AUTS2: variants seen among roughly 807,000 people sequenced by gnomAD.
AUTS2 encodes autism susceptibility gene 2 protein.
Under a neutral mutation model 112.4 loss-of-function variants are expected in AUTS2, and 17 were observed. The ratio of observed to expected loss-of-function variants is 0.15; its 90% CI spans 0.10 to 0.23. The LOEUF (loss-of-function observed/expected upper bound fraction) is 0.23. Ranked by LOEUF, AUTS2 falls within the 10% of genes least tolerant of loss-of-function variation. The probability of loss-of-function intolerance (pLI) is 1.00; values close to 1 mark genes in which losing one functional copy is unlikely to be tolerated. For missense variants in AUTS2, 1,510 were observed against 1,701.6 expected (o/e 0.89, Z 1.98); for synonymous variants, 751 against 702.7 (o/e 1.07, Z -1.09).
chr7:69,884,514 T>C lies in AUTS2; in HGVS notation c.310-14772T>C, dbSNP rs550704777. 2.0e-5 allele frequency among the ~76,000 whole-genome samples: 3 copies of C among 152,358 alleles called. No individual in the cohort carries two copies. The South Asian group carries it at 6.2e-4, about 32-fold the overall frequency. ...TCTGGTTACCCTGTAATCATGTCTC[T>C]ATTGATCTTTTCTGAATGACTGCCT... On this transcript the variant is annotated intron_variant, in intron 1 of 18. Transcript: ENST00000342771.
At position 70,721,279 on chromosome 7, in the gene AUTS2, CGTGT is replaced by C. The variant is rs55885084; in HGVS notation, c.742+22690_742+22693del. On this transcript the variant is annotated intron_variant, in intron 6 of 18. Transcript: ENST00000342771. ...CGTGTGTGACAGCCAGAATTTCATTCGTGTGTGTGTGTGTGTGTGTGTGTGTGTG... is the reference window on the plus strand; with the variant it reads ...CGTGTGTGACAGCCAGAATTTCATTCGTGTGTGTGTGTGTGTGTGTGTGTG... 2.1e-3 allele frequency among the ~76,000 whole-genome samples: 296 copies of C among 140,152 alleles called. 2 individuals carry two copies. The highest frequency in any genetic ancestry group is 8.6e-3 in the East Asian group (39 of 4,540). 91.9% of individuals were successfully genotyped at this position (140,152 alleles called of 152,430 possible).
intron 5 of AUTS2, among the ~76,000 whole-genome samples, chr7:70,646,063 C>T (rs1806143582): frequency 6.6e-6 from 1 of 152,176 alleles, no homozygotes; most frequent in Non-Finnish European, 1.5e-5. Context: ...GTTCTCTTTT[C>T]AGAGCAGTGT....
intron 2 of AUTS2, among the ~76,000 whole-genome samples, chr7:69,992,149 C>G (rs1209058871): frequency 6.6e-6 from 1 of 152,120 alleles, no homozygotes; most frequent in Non-Finnish European, 1.5e-5. Context: ...CTGATTGTGT[C>G]CATGTGAGAC....
intron 1 of AUTS2, among the ~76,000 whole-genome samples, chr7:69,736,237 C>G (rs755900051): frequency 2.0e-5 from 3 of 152,144 alleles, no homozygotes; most frequent in African/African-American, 4.8e-5. Context: ...CACACCACCT[C>G]CTTCTCAATC....
intron 5 of AUTS2, among the ~76,000 whole-genome samples, chr7:70,455,432 T>C (rs910512434): frequency 2.0e-5 from 3 of 152,012 alleles, no homozygotes; most frequent in African/African-American, 7.2e-5. Context: ...TCTGATTGGA[T>C]TGTTAGCAAG....
chr7:69,982,770 C>A (rs76600293), intron 2 of AUTS2, among the ~76,000 whole-genome samples: 158 of 152,306 alleles, frequency 1.0e-3, no homozygotes, highest in African/African-American at 3.7e-3. Flanking sequence ...AGGTGAAAGC[C>A]TTCATAGAGA....
intron 5 of AUTS2, among the ~76,000 whole-genome samples, chr7:70,651,429 C>A (rs1806500669): frequency 6.6e-6 from 1 of 152,170 alleles, no homozygotes; most frequent in African/African-American, 2.4e-5. Context: ...ACCCTTCATA[C>A]GTGGAAAATA....
chr7:69,740,163 G>A (rs1221524537), intron 1 of AUTS2, among the ~76,000 whole-genome samples: 1 of 152,154 alleles, frequency 6.6e-6, no homozygotes, highest in African/African-American at 2.4e-5. Context: ...TCTGTGAGTG[G>A]GAATTGTGCC....
intron 5 of AUTS2, among the ~76,000 whole-genome samples, chr7:70,497,766 T>C (rs1209775200): frequency 6.6e-6 from 1 of 152,190 alleles, no homozygotes; most frequent in Non-Finnish European, 1.5e-5. Context: ...ATTAATCCTA[T>C]ACTTGGCATC....
intron 15 of AUTS2, chr7:70,784,421 G>C (rs1373682415): frequency 6.6e-6 from 1 of 152,042 alleles, no homozygotes; most frequent in East Asian, 1.9e-4. Context: ...GTGAAAACTT[G>C]GTCCTCCGAG....
chr7:69,861,927 T>C (rs1430032929), intron 1 of AUTS2, among the ~76,000 whole-genome samples: 2 of 152,202 alleles, frequency 1.3e-5, no homozygotes, highest in African/African-American at 4.8e-5. Context: ...TAGTAGAACA[T>C]GAGTGTGCTT....
chr7:69,741,459 C>A (rs566330026), intron 1 of AUTS2, among the ~76,000 whole-genome samples: 2 of 152,312 alleles, frequency 1.3e-5, no homozygotes, highest in African/African-American at 4.8e-5. Context: ...AATCCCAGTA[C>A]TTTGGGAGGC....
At chr7:70,273,805 G>A (rs1209879098) in intron 4 of AUTS2, among the ~76,000 whole-genome samples, 2 of 152,020 alleles carry the variant, frequency 1.3e-5, no homozygotes, top group Admixed American at 1.3e-4. Flanking sequence ...ATCTGCATTT[G>A]GTTGAAAAAA....
At chr7:70,376,366 C>A (rs1391787721) in intron 4 of AUTS2, among the ~76,000 whole-genome samples, 1 of 152,040 alleles carries the variant, frequency 6.6e-6, no homozygotes, top group Non-Finnish European at 1.5e-5. Flanking sequence ...GACATATATT[C>A]TTTGTTTCTC....
chr7:70,630,635 A>C (rs1805208493), intron 5 of AUTS2, among the ~76,000 whole-genome samples: 1 of 152,120 alleles, frequency 6.6e-6, no homozygotes, highest in Admixed American at 6.5e-5. Flanking sequence ...AGTGAACATC[A>C]CATACATAAT....
intron 17 of AUTS2, 178 bp from the exon 18 acceptor site, chr7:70,787,031 C>A: frequency 1.4e-6 from 1 of 722,218 alleles, no homozygotes. Context: ...GCTACCTCTC[C>A]AGTGTAGGAC....
chr7:70,599,582 A>G lies in AUTS2; in HGVS notation c.691-98987A>G, dbSNP rs536627448. On this transcript the variant is annotated intron_variant, in intron 5 of 18. Transcript: ENST00000342771. ...CAGGTTCCCCAGATTTCTCATATGC[A>G]TTATGACAGGTGGGGTTGTCCCATG... 2.2e-4 allele frequency among the ~76,000 whole-genome samples: 34 copies of G among 152,318 alleles called. 1 individual carries two copies. Among genetic ancestry groups the G allele is most frequent in the Non-Finnish European group, 2.4e-4 (16 of 68,024 alleles).
chr7:70,043,713 A>T lies in AUTS2; in HGVS notation c.523-74419A>T, dbSNP rs556885500. ...CAACCTCCACCTCCTGAGTTCAAGC[A>T]ATTCTCCTGCCTCAGCCTCCCGAGT... On this transcript the variant is annotated intron_variant, in intron 2 of 18. Coordinates refer to ENST00000342771, the MANE Select transcript of AUTS2 (RefSeq NM_015570.4). Among the ~76,000 whole-genome samples, 3 of 151,484 alleles carry T rather than the reference A, an allele frequency of 2.0e-5. No individual in the cohort carries two copies. In the East Asian group the frequency reaches 5.8e-4, roughly 29 times the overall value.
intron 1 of AUTS2, among the ~76,000 whole-genome samples, chr7:69,619,841 G>A (rs1386913079): frequency 6.6e-6 from 1 of 152,124 alleles, no homozygotes; most frequent in Non-Finnish European, 1.5e-5. Context: ...AGTGGGTGGT[G>A]TTACATTCTG....
Sources: allele counts gnomAD v4.1 joint callset (sites outside exome capture counted in the v4.1 genomes callset), GRCh38; gene constraint gnomAD v4.1.1; transcripts MANE v1.5; gene names NCBI Gene and HGNC (gene_info 2026-07-23, HGNC 2026-07-21).